FLI1: variants seen among roughly 807,000 people sequenced by gnomAD.
FLI1 encodes the protein Fli-1 proto-oncogene, ETS transcription factor.
Under a neutral mutation model 53.1 loss-of-function variants are expected in FLI1, and 13 were observed. The ratio of observed to expected loss-of-function variants is 0.24; its 90% CI spans 0.16 to 0.39. The LOEUF (loss-of-function observed/expected upper bound fraction) is 0.39. Among genes scored for constraint, FLI1 ranks in the 10% least tolerant of loss-of-function variants. FLI1 has a pLI of 1.00. For missense variants in FLI1, 424 were observed against 600.5 expected, an observed-to-expected ratio of 0.71 and a Z score of 3.07; for synonymous variants, 244 against 236.7, an observed-to-expected ratio of 1.03 and a Z score of -0.28.
intron 2 of FLI1, among the ~76,000 whole-genome samples, chr11:128,762,231 C>T (rs898914548): frequency 6.6e-6 from 1 of 152,206 alleles, no homozygotes; most frequent in African/African-American, 2.4e-5. Context: ...TTGATAATGA[C>T]AGTTCGTTAC....
chr11:128,810,493 G>A lies in FLI1; in HGVS notation c.864G>A (p.Leu288=), dbSNP rs1942909491. ...SGQIQLWQFL[L]ELLSDSANAS... The stretch of plus-strand genomic sequence containing the variant: ...AGATCCAGCTGTGGCAATTCCTCCT[G>A]GAGCTGCTCTCCGACAGCGCCAACG... The change falls in exon 9 of 9, where the codon CTG becomes CTA. Residue 288 remains leucine, a synonymous_variant. Transcript: ENST00000527786. This position sits in a 1 kb window ranked among gnomAD's most constrained non-coding sequence, Gnocchi z 6.6. The A allele has an allele frequency of 6.2e-7, 1 of 1,603,386 alleles. No individual in the cohort carries two copies. Among genetic ancestry groups the A allele is most frequent in the African/African-American group, 1.3e-5 (1 of 74,674 alleles).
chr11:128,774,458 T>C (rs1941674560), intron 4 of FLI1, among the ~76,000 whole-genome samples: 1 of 152,168 alleles, frequency 6.6e-6, no homozygotes, highest in Non-Finnish European at 1.5e-5. Context: ...TTTTAACTGT[T>C]TGTGGAATTT....
chr11:128,764,102 CG>C, intron 2 of FLI1, among the ~76,000 whole-genome samples: 1 of 152,206 alleles, frequency 6.6e-6, no homozygotes, highest in South Asian at 2.1e-4. Context: ...CTCAGATGTG[CG>C]GGTCTGATGA....
At chr11:128,804,410 C>G (rs540325545) in intron 5 of FLI1, 1 of 152,212 alleles carries the variant, frequency 6.6e-6, no homozygotes, top group East Asian at 1.9e-4. Flanking sequence ...CAATGGGACT[C>G]ATACCAAGAG....
chr11:128,705,187 T>C (rs1938496743), intron 1 of FLI1, among the ~76,000 whole-genome samples: 2 of 152,196 alleles, frequency 1.3e-5, no homozygotes, highest in Admixed American at 6.5e-5. Context: ...TTTATCTCTT[T>C]GTCTAAGTGA....
In FLI1 at chr11:128,810,815, C is replaced by A. The variant is rs2135925672; in HGVS notation, c.1186C>A (p.Gln396Lys). The change falls in exon 9 of 9, where the codon CAG (glutamine) becomes AAG (lysine). Residue 396 changes from glutamine to lysine, a missense_variant. Coordinates refer to ENST00000527786, the MANE Select transcript of FLI1 (RefSeq NM_002017.5). This position sits in a 1 kb window ranked among gnomAD's most constrained non-coding sequence, Gnocchi z 6.6. ...SYMPSYHAHQ[Q>K]KVNFVPPHPS... The stretch of plus-strand genomic sequence containing the variant: ...CATGCCTTCCTACCATGCCCACCAG[C>A]AGAAGGTGAACTTTGTCCCTCCCCA... 1 of 1,614,044 alleles carries A rather than the reference C, an allele frequency of 6.2e-7. No homozygotes were observed. Among genetic ancestry groups the A allele is most frequent in the Non-Finnish European group, 8.5e-7 (1 of 1,179,898 alleles).
chr11:128,699,689 A>T (rs1938239094), intron 1 of FLI1, among the ~76,000 whole-genome samples: 1 of 152,232 alleles, frequency 6.6e-6, no homozygotes, highest in Non-Finnish European at 1.5e-5. Flanking sequence ...TGTGTATTAC[A>T]GTTCTGCCAC....
chr11:128,760,527 T>A (rs1347016889), intron 2 of FLI1, among the ~76,000 whole-genome samples: 3 of 141,090 alleles, frequency 2.1e-5, no homozygotes, highest in East Asian at 2.0e-4. Flanking sequence ...TTCCTTTTTT[T>A]TTTTTTTTTT....
chr11:128,691,655 G>T (rs940320774), upstream of FLI1: 3 of 152,278 alleles, frequency 2.0e-5, no homozygotes, highest in Non-Finnish European at 4.4e-5. Flanking sequence ...AACAGAAAGT[G>T]CGATGGAGTT....
intron 1 of FLI1, among the ~76,000 whole-genome samples, chr11:128,730,787 A>G (rs1272181797): frequency 6.6e-6 from 1 of 152,248 alleles, no homozygotes; most frequent in Non-Finnish European, 1.5e-5. Context: ...AACTCAATCT[A>G]TGGAATGAAT....
chr11:128,743,045 C>T (rs1174766268), intron 1 of FLI1, among the ~76,000 whole-genome samples: 1 of 152,056 alleles, frequency 6.6e-6, no homozygotes, highest in East Asian at 1.9e-4. Flanking sequence ...CTATAATGAA[C>T]ATGGGAGATC....
chr11:128,728,019 G>A (rs1371884387), intron 1 of FLI1, among the ~76,000 whole-genome samples: 1 of 152,240 alleles, frequency 6.6e-6, no homozygotes, highest in Non-Finnish European at 1.5e-5. Flanking sequence ...ATACTGACTA[G>A]CAAGTTCATT....
At chr11:128,750,688 T>C (rs1429039320) in intron 1 of FLI1, among the ~76,000 whole-genome samples, 1 of 152,208 alleles carries the variant, frequency 6.6e-6, no homozygotes, top group Non-Finnish European at 1.5e-5. Flanking sequence ...CAGGCCACTG[T>C]GCGGCCATGC....
chr11:128,735,382 A>G (rs1939876232), intron 1 of FLI1, among the ~76,000 whole-genome samples: 7 of 152,214 alleles, frequency 4.6e-5, no homozygotes, highest in Admixed American at 3.9e-4. Context: ...CTGTATAATA[A>G]CATAGAAGTA....
At chr11:128,790,044 A>ATG (rs3222797) in intron 5 of FLI1, among the ~76,000 whole-genome samples, 93 of 148,370 alleles carry the variant, frequency 6.3e-4, no homozygotes, top group Non-Finnish European at 1.3e-3. Context: ...TGATTGCTGG[A>ATG]TGTGTGTGTG....
chr11:128,791,024 T>C (rs1237527938), intron 5 of FLI1, among the ~76,000 whole-genome samples: 1 of 151,866 alleles, frequency 6.6e-6, no homozygotes, highest in Non-Finnish European at 1.5e-5. Context: ...TTTCTTTTAA[T>C]TACTCAGACC....
At chr11:128,737,196 C>T (rs931895149) in intron 1 of FLI1, among the ~76,000 whole-genome samples, 2 of 152,152 alleles carry the variant, frequency 1.3e-5, no homozygotes, top group Non-Finnish European at 2.9e-5. Context: ...GAGCAGGACA[C>T]AGTAGGGGAG....
chr11:128,691,815 G>T (rs1937750035), upstream of FLI1: 1 of 152,280 alleles, frequency 6.6e-6, no homozygotes. Flanking sequence ...AAGATGATCT[G>T]TCACTTGCCA....
At chr11:128,720,656 C>A (rs1234357589) in intron 1 of FLI1, among the ~76,000 whole-genome samples, 3 of 152,156 alleles carry the variant, frequency 2.0e-5, no homozygotes, top group African/African-American at 7.2e-5. Flanking sequence ...TACCAGGAGG[C>A]CTCTTTTTGC....
Sources: gnomAD v4.1 joint callset for allele counts (sites outside exome capture counted in the v4.1 genomes callset) on GRCh38, gnomAD v4.1.1 for gene constraint, Gnocchi (gnomAD v3.1) non-coding constraint, MANE v1.5 for transcripts, NCBI Gene and HGNC (gene_info 2026-07-23, HGNC 2026-07-21) for gene names.